The following IDO2 variants were observed in gnomAD, a reference collection of about 807,000 sequenced individuals.
IDO2 encodes the protein indoleamine 2,3-dioxygenase 2, also known as indoleamine 2,3-dioxygenase-like 1 protein.
Under a neutral mutation model 45.1 loss-of-function variants are expected in IDO2, and 46 were observed. The ratio of observed to expected loss-of-function variants is 1.02; its 90% CI spans 0.80 to 1.30. IDO2 has a LOEUF of 1.30. Ranked by LOEUF, IDO2 falls within the 50% of genes most tolerant of loss-of-function variation. IDO2 has a pLI of 0.00. For missense variants in IDO2, 544 were observed against 491.8 expected (o/e 1.11, Z -1.00); for synonymous variants, 218 against 184.9 (o/e 1.18, Z -1.45).
intron 2 of IDO2, among the ~76,000 whole-genome samples, chr8:39,956,494 T>C (rs761825609): frequency 3.3e-5 from 5 of 152,246 alleles, no homozygotes; most frequent in African/African-American, 4.8e-5. Context: ...TTTATGCTTC[T>C]TGTTCTAGTT....
At chr8:39,963,104 C>G (rs749587979) in intron 2 of IDO2, among the ~76,000 whole-genome samples, 9 of 152,152 alleles carry the variant, frequency 5.9e-5, no homozygotes, top group Non-Finnish European at 1.2e-4. Context: ...ATCACTTTCT[C>G]TTGAGTTTTA....
chr8:39,951,612 A>C (rs1807815614), intron 2 of IDO2, among the ~76,000 whole-genome samples: 1 of 152,158 alleles, frequency 6.6e-6, no homozygotes. Context: ...TGCTATGGAG[A>C]ATGAATGTGA....
chr8:39,996,943 G>A lies in IDO2; in HGVS notation c.667+7105G>A, dbSNP rs550563074. ...ATGAACATTGTAAACGCCGCTAATT[G>A]GCACCAAGTTTAATAGGGCAGACAA... On this transcript the variant is annotated intron_variant, in intron 8 of 10. Coordinates refer to ENST00000502986, the Ensembl canonical transcript of IDO2. 9.9e-5 allele frequency among the ~76,000 whole-genome samples: 15 copies of A among 152,258 alleles called. No homozygotes were observed. The South Asian group carries it at 2.9e-3, about 30-fold the overall frequency.
At chr8:40,013,123 T>C (rs1397106364) in intron 9 of IDO2, among the ~76,000 whole-genome samples, 1 of 151,944 alleles carries the variant, frequency 6.6e-6, no homozygotes, top group Non-Finnish European at 1.5e-5. Context: ...TTGTGGGTGT[T>C]TGTGTATATT....
intron 2 of IDO2, among the ~76,000 whole-genome samples, chr8:39,956,240 T>G (rs1323590645): frequency 6.6e-6 from 1 of 151,952 alleles, no homozygotes; most frequent in Non-Finnish European, 1.5e-5. Context: ...TGTATCCTTT[T>G]TAGTAAAGAC....
intron 3 of IDO2, among the ~76,000 whole-genome samples, chr8:39,964,523 A>G (rs1808053276): frequency 1.3e-5 from 2 of 152,226 alleles, no homozygotes; most frequent in South Asian, 2.1e-4. Context: ...GAAGTCCATG[A>G]AAAGTTTTCC....
chr8:39,991,416 G>A (rs2955877), intron 8 of IDO2, among the ~76,000 whole-genome samples: 50,442 of 151,880 alleles, frequency 0.33, 9,468 homozygotes, highest in East Asian at 0.69. Context: ...TAGTGCAGGT[G>A]TCTTCAGATC....
At position 39,987,874 on chromosome 8, in the gene IDO2, C is replaced by A. The variant is rs776464305; in HGVS notation, c.453C>A (p.Asn151Lys). 3.4e-5 allele frequency: 55 copies of A among 1,599,204 alleles called. No homozygotes were observed. The South Asian group carries it at 5.8e-4, about 17-fold the overall frequency. The stretch of plus-strand genomic sequence containing the variant: ...ATGTGCTCCTCTCCTTCCCAAGGAA[C>A]CTGGAGACCATCATCTCATTTCCTG... The change falls in exon 7 of 11, where the codon AAC (asparagine) becomes AAA (lysine). Residue 151 changes from asparagine (N) to lysine (K), a missense_variant. By Grantham distance (94) the Asn-to-Lys change is moderately conservative (BLOSUM62 0). Coordinates refer to ENST00000502986, the Ensembl canonical transcript of IDO2.
At chr8:39,985,551 T>G in intron 6 of IDO2, 29 bp downstream of exon 6, 1 of 1,548,838 alleles carries the variant, frequency 6.5e-7, no homozygotes, top group South Asian at 1.2e-5. Flanking sequence ...TTTACGCACT[T>G]TAGAATCCAG....
At chr8:39,956,951 G>A (rs993967562) in intron 2 of IDO2, among the ~76,000 whole-genome samples, 5 of 142,710 alleles carry the variant, frequency 3.5e-5, no homozygotes, top group Non-Finnish European at 7.5e-5. Context: ...GCTGAGTCAG[G>A]AGAATTGCTT....
Position 39,958,674 on chromosome 8 carries a change from C to T in IDO2, c.100-4934C>T, listed in dbSNP as rs72630510. On this transcript the variant is annotated intron_variant, in intron 2 of 10. Coordinates refer to ENST00000502986, the Ensembl canonical transcript of IDO2. ...CCATGATGGCCAGGCTCGTCTTGAA[C>T]CTCTGACCTCAAGTGATCTGCCCAT... is the stretch of plus-strand genomic sequence containing the variant. 2.5e-3 allele frequency among the ~76,000 whole-genome samples: 380 copies of T among 152,234 alleles called. 1 individual carries two copies. The highest frequency in any genetic ancestry group is 0.01 in the Middle Eastern group (3 of 294).
At chr8:40,005,355 A>T (rs778557314) in exon 9 of IDO2, 1 of 1,581,604 alleles carries the variant, frequency 6.3e-7, no homozygotes, top group Non-Finnish European at 8.6e-7. Context: ...TATTTTATGC[A>T]GGCATCCGGA....
At chr8:39,994,289 C>T (rs1362847) in intron 8 of IDO2, among the ~76,000 whole-genome samples, 16,732 of 146,576 alleles carry the variant, frequency 0.11, 1,396 homozygotes, top group East Asian at 0.35. Context: ...TGGAGTTTCG[C>T]TCTTGTTGCC....
chr8:39,939,121 G>C (rs936592708), intron 1 of IDO2, among the ~76,000 whole-genome samples: 1 of 151,838 alleles, frequency 6.6e-6, no homozygotes, highest in Non-Finnish European at 1.5e-5. Context: ...GTGTGGTGGC[G>C]GGCGCCTGCT....
intron 3 of IDO2, among the ~76,000 whole-genome samples, chr8:39,965,736 C>A (rs145990807): frequency 3.3e-5 from 5 of 151,870 alleles, no homozygotes; most frequent in African/African-American, 7.3e-5. Context: ...GAAAACATCA[C>A]GTGAAGATGG....
intron 1 of IDO2, among the ~76,000 whole-genome samples, chr8:39,946,596 G>A (rs186812756): frequency 6.6e-5 from 10 of 152,042 alleles, no homozygotes; most frequent in Admixed American, 6.6e-4. Context: ...AACAGAGTGA[G>A]AGACTTCATC....
In IDO2 at chr8:40,011,700, C is replaced by A. The variant is rs59381479; in HGVS notation, c.720-1865C>A. ...TGCTTAACATGTTCCAGGCCCTGGG[C>A]AGGTATTATTTTAATTAGTTCTCAC... On this transcript the variant is annotated intron_variant, in intron 9 of 10. Coordinates refer to ENST00000502986, the Ensembl canonical transcript of IDO2. Among the ~76,000 whole-genome samples, 516 of 152,240 alleles carry A rather than the reference C, an allele frequency of 3.4e-3. 3 individuals carry two copies. Among genetic ancestry groups the A allele is most frequent in the African/African-American group, 0.011 (451 of 41,540 alleles).
At chr8:39,963,817 A>C in intron 3 of IDO2, 114 bp downstream of exon 3, 1 of 612,086 alleles carries the variant, frequency 1.6e-6, no homozygotes, top group South Asian at 2.2e-5. Context: ...TTACCATTGA[A>C]CTTATCAGCA....
intron 9 of IDO2, among the ~76,000 whole-genome samples, chr8:40,010,024 C>T (rs1219765728): frequency 8.3e-6 from 1 of 120,208 alleles, no homozygotes; most frequent in Non-Finnish European, 1.8e-5. Context: ...CTGGAGCTTA[C>T]ATTTCAATGC....
Sources: allele counts gnomAD v4.1 joint callset (sites outside exome capture counted in the v4.1 genomes callset), GRCh38; gene constraint gnomAD v4.1.1; transcripts MANE v1.5; gene names NCBI Gene and HGNC (gene_info 2026-07-23, HGNC 2026-07-21).